The following ABHD12B variants were observed in gnomAD, a reference collection of about 807,000 sequenced individuals.
The protein encoded by ABHD12B is protein ABHD12B.
A neutral mutation model predicts 50.4 loss-of-function variants in ABHD12B; 42 were observed. That is an observed-to-expected ratio of 0.83 (90% CI 0.65 to 1.08). The LOEUF is 1.08. Ranked by LOEUF, ABHD12B falls within the 50% of genes least tolerant of loss-of-function variation. The pLI is 0.00. For missense variants in ABHD12B, 479 were observed against 447.7 expected, an observed-to-expected ratio of 1.07 and a Z score of -0.63; for synonymous variants, 167 against 160.3, an observed-to-expected ratio of 1.04 and a Z score of -0.32.
At chr14:50,902,607 G>T (rs1252211923) in intron 10 of ABHD12B, among the ~76,000 whole-genome samples, 1 of 152,206 alleles carries the variant, frequency 6.6e-6, no homozygotes, top group Non-Finnish European at 1.5e-5. Flanking sequence ...CAAATCCAAT[G>T]ACTAGAATTT....
chr14:50,892,546 C>T (rs1566491430), intron 9 of ABHD12B: 2 of 985,424 alleles, frequency 2.0e-6, no homozygotes, highest in South Asian at 4.7e-5. Flanking sequence ...TAAGGAGAAG[C>T]AGCCAACACT....
chr14:50,888,754 C>G, intron 8 of ABHD12B, 70 bp from the exon 9 acceptor site: 1 of 1,347,912 alleles, frequency 7.4e-7, no homozygotes, highest in Non-Finnish European at 1.1e-6. Flanking sequence ...CTTGAATACC[C>G]CTTATCTAGG....
intron 5 of ABHD12B, among the ~76,000 whole-genome samples, chr14:50,883,898 T>C (rs181494439): frequency 4.6e-5 from 7 of 152,386 alleles, no homozygotes; most frequent in Admixed American, 3.3e-4. Context: ...GCTATTTTCA[T>C]TTATTTGCAT....
intron 3 of ABHD12B, 84 bp downstream of exon 3, chr14:50,878,931 C>A: frequency 8.9e-7 from 1 of 1,118,656 alleles, no homozygotes; most frequent in Non-Finnish European, 1.3e-6. Flanking sequence ...GTGTTACCTG[C>A]CCACGGAGAG....
Position 50,904,699 on chromosome 14 carries a change from C to T in ABHD12B, c.*333C>T. On this transcript the variant is annotated 3_prime_UTR_variant, in exon 13 of 13. Coordinates refer to ENST00000337334, the MANE Select transcript of ABHD12B (RefSeq NM_001206673.2). Reference sequence around the variant, plus strand: ...AAGGTAGTTGCTATGGTCCGAATATCTGGGCCTGCCCCCCCAAATTATGCT... The same window carrying T: ...AAGGTAGTTGCTATGGTCCGAATATTTGGGCCTGCCCCCCCAAATTATGCT... The T allele has an allele frequency of 5.2e-6, 2 of 382,764 alleles. No individual in the cohort carries two copies. Among genetic ancestry groups the T allele is most frequent in the Non-Finnish European group, 9.7e-6 (2 of 206,262 alleles). 23.7% of individuals were successfully genotyped at this position (382,764 alleles called of 1,614,324 possible).
At chr14:50,896,771 C>G (rs2050205476) in intron 9 of ABHD12B, among the ~76,000 whole-genome samples, 1 of 152,166 alleles carries the variant, frequency 6.6e-6, no homozygotes, top group South Asian at 2.1e-4. Context: ...CCCCTATCTC[C>G]CTTGGCTGAC....
chr14:50,891,107 G>A (rs893705915), intron 9 of ABHD12B: 3 of 152,084 alleles, frequency 2.0e-5, no homozygotes, highest in African/African-American at 7.2e-5. Flanking sequence ...TTTTCAGGTA[G>A]ATTTTATTTC....
chr14:50,901,606 C>T (rs1175695881), intron 9 of ABHD12B, among the ~76,000 whole-genome samples: 1 of 152,186 alleles, frequency 6.6e-6, no homozygotes, highest in Non-Finnish European at 1.5e-5. Context: ...CAATGATGGT[C>T]TATGATGGCA....
rs767328150 is a variant in ABHD12B at position 50,878,858 on chromosome 14, G to A, written c.335+11G>A. On this transcript the variant is annotated intron_variant, in intron 3 of 12. Transcript: ENST00000337334. ...GATGCTAGGGATCTGGTGAGTGCAC[G>A]GATGGGACACCGGGTTGCTTGATGG... is the stretch of plus-strand genomic sequence containing the variant. The A allele has an allele frequency of 5.0e-6, 8 of 1,609,820 alleles. No individual in the cohort carries two copies. The highest frequency in any genetic ancestry group is 3.3e-5 in the Admixed American group (2 of 60,010).
At chr14:50,885,981 C>T (rs1211753521) in intron 7 of ABHD12B, 86 bp downstream of exon 7, 19 of 1,570,410 alleles carry the variant, frequency 1.2e-5, no homozygotes, top group African/African-American at 1.4e-5. Flanking sequence ...GTGGAGGGAG[C>T]ACCGAGCCAG....
intron 1 of ABHD12B, among the ~76,000 whole-genome samples, chr14:50,876,751 T>C (rs1181543011): frequency 6.6e-6 from 1 of 152,226 alleles, no homozygotes; most frequent in African/African-American, 2.4e-5. Context: ...GCAAAGGTAA[T>C]AATTATCTTC....
intron 9 of ABHD12B, among the ~76,000 whole-genome samples, chr14:50,894,967 G>C (rs1366418526): frequency 5.4e-5 from 8 of 149,330 alleles, no homozygotes; most frequent in Admixed American, 4.6e-4. Context: ...TTCGTTCCGT[G>C]ACTAGCCCTC....
chr14:50,873,688 G>A (rs1204279359), intron 1 of ABHD12B, among the ~76,000 whole-genome samples: 4 of 152,192 alleles, frequency 2.6e-5, no homozygotes, highest in African/African-American at 9.7e-5. Flanking sequence ...TCTCCCAGAT[G>A]TGGTGATTCT....
intron 5 of ABHD12B, among the ~76,000 whole-genome samples, chr14:50,882,094 C>A (rs912089245): frequency 2.0e-5 from 3 of 151,906 alleles, no homozygotes; most frequent in Non-Finnish European, 2.9e-5. Context: ...AACCACCACG[C>A]CCGGCTAATT....
chr14:50,892,722 A>G, intron 9 of ABHD12B: 7 of 378,552 alleles, frequency 1.8e-5, no homozygotes, highest in Non-Finnish European at 2.5e-5. Flanking sequence ...TTCTTTAGAT[A>G]GTACTTAATA....
intron 5 of ABHD12B, among the ~76,000 whole-genome samples, chr14:50,883,076 ACT>A (rs1001771560): frequency 1.3e-5 from 2 of 151,646 alleles, no homozygotes; most frequent in Non-Finnish European, 2.9e-5. Context: ...CTGCTGCATG[ACT>A]CTGGTTTGTT....
intron 9 of ABHD12B, chr14:50,895,746 A>G (rs1482761693): frequency 6.6e-6 from 1 of 151,982 alleles, no homozygotes; most frequent in Non-Finnish European, 1.5e-5. Context: ...CTTCTTAATC[A>G]ATACGGAGGC....
intron 8 of ABHD12B, 71 bp from the exon 9 acceptor site, chr14:50,888,750 TACC>T (rs1343418957): frequency 1.5e-6 from 2 of 1,318,768 alleles, no homozygotes; most frequent in African/African-American, 2.9e-5. Flanking sequence ...AGATCTTGAA[TACC>T]CCTTATCTAG....
intron 5 of ABHD12B, among the ~76,000 whole-genome samples, chr14:50,885,344 T>C (rs2050021572): frequency 6.6e-6 from 1 of 152,222 alleles, no homozygotes; most frequent in South Asian, 2.1e-4. Context: ...CTTCATCGAA[T>C]ATAAAATAGC....
Sources: gnomAD v4.1 joint callset for allele counts (sites outside exome capture counted in the v4.1 genomes callset) on GRCh38, gnomAD v4.1.1 for gene constraint, MANE v1.5 for transcripts, NCBI Gene and HGNC (gene_info 2026-07-23, HGNC 2026-07-21) for gene names.